The following UBE4A variants were observed in gnomAD, a reference collection of about 807,000 sequenced individuals.
UBE4A encodes the protein ubiquitination factor E4A.
In UBE4A, 48 loss-of-function variants were observed where a neutral mutation model predicts 117.9. The observed-to-expected ratio is 0.41, with a 90% CI of 0.32 to 0.52. UBE4A has a LOEUF of 0.52. Ranked by LOEUF, UBE4A falls within the 20% of genes least tolerant of loss-of-function variation. UBE4A has a pLI of 0.33. For synonymous variants in UBE4A, 407 were observed against 450.0 expected, an observed-to-expected ratio of 0.90 and a Z score of 1.21; for missense variants, 1,067 against 1,296.3, an observed-to-expected ratio of 0.82 and a Z score of 2.72.
intron 16 of UBE4A, 78 bp from the exon 17 acceptor site, chr11:118,389,647 G>T: frequency 7.8e-7 from 1 of 1,290,196 alleles, no homozygotes; most frequent in Non-Finnish European, 1.0e-6. Context: ...GTTCCCAGAG[G>T]TCTCCAAATA....
chr11:118,374,738 A>G (rs569741540), intron 8 of UBE4A, among the ~76,000 whole-genome samples, 158 bp from the exon 9 acceptor site: 3 of 152,370 alleles, frequency 2.0e-5, no homozygotes, highest in South Asian at 4.1e-4. Context: ...ATAAGTGCCC[A>G]GAAATATATT....
Position 118,384,961 on chromosome 11 carries a change from A to G in UBE4A, c.2412+16A>G, listed in dbSNP as rs782103257. On this transcript the variant is annotated intron_variant, in intron 15 of 19. Coordinates refer to ENST00000252108, the MANE Select transcript of UBE4A (RefSeq NM_001204077.2). ...AGCCATACAGGTAAAAAAAAAAAAA[A>G]AAAAAAAGATTTAACTTCTCCATAC... 4 of 1,565,938 alleles carry G rather than the reference A, an allele frequency of 2.6e-6. No homozygotes were observed. Among genetic ancestry groups the G allele is most frequent in the South Asian group, 1.2e-5 (1 of 84,740 alleles).
chr11:118,383,897 T>A (rs753308801), intron 13 of UBE4A, among the ~76,000 whole-genome samples: 3 of 152,216 alleles, frequency 2.0e-5, no homozygotes, highest in Non-Finnish European at 4.4e-5. Context: ...AGTGAAATAA[T>A]GCATGTAAAT....
chr11:118,377,104 A>T (rs1440396552), intron 10 of UBE4A, among the ~76,000 whole-genome samples: 1 of 152,164 alleles, frequency 6.6e-6, no homozygotes, highest in Non-Finnish European at 1.5e-5. Context: ...AGCTTATTCT[A>T]AAGGTTCACA....
At chr11:118,395,108 A>G (rs187690742) in intron 19 of UBE4A, among the ~76,000 whole-genome samples, 55 of 152,162 alleles carry the variant, frequency 3.6e-4, no homozygotes, top group Non-Finnish European at 1.6e-4. Context: ...CAGGTGGATC[A>G]CCCTGAGGTC....
Position 118,396,565 on chromosome 11 carries a change from T to A in UBE4A, c.*125T>A. ...TCTTTTTCTTTTTTTTTTTTTTTTT[T>A]ACTAAATTAGAGAACTGCTCTTGCT... On this transcript the variant is annotated 3_prime_UTR_variant, in exon 20 of 20. Coordinates refer to ENST00000252108, the MANE Select transcript of UBE4A (RefSeq NM_001204077.2). 2.0e-6 allele frequency: 2 copies of A among 1,009,388 alleles called. No individual in the cohort carries two copies. Among genetic ancestry groups the A allele is most frequent in the Non-Finnish European group, 2.7e-6 (2 of 734,052 alleles). The allele number at this position is 1,009,388 out of a possible 1,614,324, so 62.5% of individuals were successfully genotyped here. A position where few individuals can be genotyped will look rare whatever the true frequency, so the allele number is the denominator to read the frequency against.
chr11:118,384,760 G>C (rs1555126888), intron 14 of UBE4A, 25 bp downstream of exon 14: 2 of 1,612,138 alleles, frequency 1.2e-6, no homozygotes, highest in African/African-American at 2.7e-5. Flanking sequence ...GATGAAACCT[G>C]TTGCTTTATA....
chr11:118,394,558 A>G (rs1948850747), intron 19 of UBE4A, among the ~76,000 whole-genome samples: 1 of 151,874 alleles, frequency 6.6e-6, no homozygotes, highest in Admixed American at 6.6e-5. Context: ...ATCACTTGAG[A>G]TCAGGAGTTC....
At chr11:118,372,026 G>A (rs571003070) in intron 5 of UBE4A, among the ~76,000 whole-genome samples, 32 of 152,298 alleles carry the variant, frequency 2.1e-4, no homozygotes, top group African/African-American at 6.0e-4. Context: ...TTGGGAGGCC[G>A]ATGCAGGCGG....
At chr11:118,367,563 G>A (rs1948574752) in intron 2 of UBE4A, among the ~76,000 whole-genome samples, 1 of 140,158 alleles carries the variant, frequency 7.1e-6, no homozygotes, top group Non-Finnish European at 1.5e-5. Flanking sequence ...CTCTGTCACC[G>A]AGGCTGGAGT....
intron 11 of UBE4A, 23 bp from the exon 12 acceptor site, chr11:118,381,368 C>A (rs782788628): frequency 1.2e-6 from 2 of 1,613,086 alleles, no homozygotes; most frequent in Admixed American, 3.3e-5. Flanking sequence ...TTGGCTAATT[C>A]CAGTGAATAT....
intron 1 of UBE4A, among the ~76,000 whole-genome samples, chr11:118,360,986 ATGTGTG>A (rs10624453): frequency 8.5e-5 from 12 of 140,874 alleles, no homozygotes; most frequent in South Asian, 2.3e-4. Flanking sequence ...GTATGTATAT[ATGTGTG>A]TGTGTGTGTG....
chr11:118,381,649 G>T, intron 12 of UBE4A, 126 bp downstream of exon 12: 1 of 1,282,462 alleles, frequency 7.8e-7, no homozygotes, highest in East Asian at 2.4e-5. Context: ...TAACATTAAG[G>T]AATCACCTGA....
intron 15 of UBE4A, among the ~76,000 whole-genome samples, chr11:118,385,268 T>C (rs1948746000): frequency 6.6e-6 from 1 of 152,130 alleles, no homozygotes; most frequent in Non-Finnish European, 1.5e-5. Flanking sequence ...CAGAAAGAAA[T>C]CAGAGGAGCT....
chr11:118,366,824 C>T (rs1158860892), intron 2 of UBE4A, among the ~76,000 whole-genome samples: 1 of 152,186 alleles, frequency 6.6e-6, no homozygotes, highest in Admixed American at 6.5e-5. Flanking sequence ...ATCCCAGCTC[C>T]TTGGGAGGCC....
rs374969961 is a variant in UBE4A, at chr11:118,373,597, C to T, written c.1028C>T (p.Pro343Leu). ...ILSISCLLKT[P>L]GVVENHGYFL... ...AGTATCTCCTGCTTATTAAAGACTC[C>T]GGGTGTTGTAGAAAATCATGGCTAC... is the stretch of plus-strand genomic sequence containing the variant. Residue 343 changes from proline to leucine, a missense_variant, in exon 8 of 20, where the codon CCG becomes CTG. Pro to Leu is a moderately conservative substitution (Grantham distance 98). Transcript: ENST00000252108. 108 of 1,614,124 alleles carry T rather than the reference C, an allele frequency of 6.7e-5. 1 individual carries two copies. Among genetic ancestry groups the T allele is most frequent in the Admixed American group, 5.7e-4 (34 of 60,014 alleles).
At chr11:118,367,127 G>A (rs1029735119) in intron 2 of UBE4A, among the ~76,000 whole-genome samples, 1 of 151,352 alleles carries the variant, frequency 6.6e-6, no homozygotes, top group African/African-American at 2.4e-5. Context: ...TTGAACCTGG[G>A]AGGTAGAGGT....
At chr11:118,359,907 C>A (rs1371170639) in intron 1 of UBE4A, among the ~76,000 whole-genome samples, 1 of 152,136 alleles carries the variant, frequency 6.6e-6, no homozygotes, top group Non-Finnish European at 1.5e-5. Flanking sequence ...CCCATCTTTG[C>A]CAAGCCCCTC....
In UBE4A at chr11:118,389,855, C is replaced by G; in HGVS notation, c.2718C>G (p.Phe906Leu). The change falls in exon 17 of 20, where the codon TTC becomes TTG. Residue 906 changes from phenylalanine (F) to leucine (L), a missense_variant. Physicochemically the swap from Phe to Leu is conservative, Grantham distance 22. Transcript: ENST00000252108. Reference protein sequence around the residue: ...LKVKDFSEFDFKPQQLVSDIC... With the variant: ...LKVKDFSEFDLKPQQLVSDIC... ...TCAAGGACTTCAGCGAATTTGACTTCAAACCCCAGCAGCTTGTATCAGATA... is the reference window on the plus strand; with the variant it reads ...TCAAGGACTTCAGCGAATTTGACTTGAAACCCCAGCAGCTTGTATCAGATA... 4 of 1,613,624 alleles carry G rather than the reference C, an allele frequency of 2.5e-6. No individual in the cohort carries two copies. The highest frequency in any genetic ancestry group is 3.4e-6 in the Non-Finnish European group (4 of 1,179,574).
Sources: gnomAD v4.1 joint callset for allele counts (sites outside exome capture counted in the v4.1 genomes callset) on GRCh38, gnomAD v4.1.1 for gene constraint, MANE v1.5 for transcripts, NCBI Gene and HGNC (gene_info 2026-07-23, HGNC 2026-07-21) for gene names.